PXDNL: variants seen among roughly 807,000 people sequenced by gnomAD.
PXDNL encodes probable oxidoreductase PXDNL.
In PXDNL, 145 loss-of-function variants were observed where a neutral mutation model predicts 150.8. The ratio of observed to expected loss-of-function variants is 0.96; its 90% CI spans 0.84 to 1.10. PXDNL has a LOEUF of 1.10. Ranked by LOEUF, PXDNL falls within the 50% of genes least tolerant of loss-of-function variation. The pLI, the probability that PXDNL is intolerant of heterozygous loss-of-function variation, is 0.00. For missense variants in PXDNL, 2,087 were observed against 1,873.9 expected, an observed-to-expected ratio of 1.11 and a Z score of -2.10; for synonymous variants, 757 against 725.7, an observed-to-expected ratio of 1.04 and a Z score of -0.69.
At chr8:51,587,609 C>T (rs187039229) in intron 3 of PXDNL, among the ~76,000 whole-genome samples, 1 of 152,148 alleles carries the variant, frequency 6.6e-6, no homozygotes, top group African/African-American at 2.4e-5. Context: ...AATATACAAG[C>T]ACTATAACTA....
At chr8:51,744,066 G>A (rs1386499545) in intron 1 of PXDNL, among the ~76,000 whole-genome samples, 1 of 56,966 alleles carries the variant, frequency 1.8e-5, no homozygotes, top group African/African-American at 9.0e-5. Context: ...AGGAAGGAAG[G>A]AAGGAAGGAA....
intron 2 of PXDNL, among the ~76,000 whole-genome samples, chr8:51,624,350 T>G (rs1283486986): frequency 6.6e-6 from 1 of 152,026 alleles, no homozygotes; most frequent in Non-Finnish European, 1.5e-5. Flanking sequence ...AAGTCAGGTG[T>G]TGTTTTGTTT....
intron 1 of PXDNL, among the ~76,000 whole-genome samples, chr8:51,763,372 C>CA (rs1225375184): frequency 6.6e-6 from 1 of 151,132 alleles, no homozygotes; most frequent in Non-Finnish European, 1.5e-5. Flanking sequence ...CTGGGGCATT[C>CA]AACTGGAAAA....
At chr8:51,806,331 A>C (rs1004692374) in intron 1 of PXDNL, among the ~76,000 whole-genome samples, 1 of 152,244 alleles carries the variant, frequency 6.6e-6, no homozygotes, top group African/African-American at 2.4e-5. Flanking sequence ...TATATTATTT[A>C]CATCATTTCC....
rs528445158 is a variant in PXDNL, at chr8:51,408,486, GTTAA to G, written c.3134_3137del (p.Ile1045ThrfsTer14). 1.1e-4 allele frequency: 180 copies of G among 1,613,704 alleles called. 3 individuals carry two copies. The South Asian group carries it at 2.0e-3, about 18-fold the overall frequency. The stretch of plus-strand genomic sequence containing the variant: ...ATCTAAAGGCTGCAGTAGCAAAAGA[GTTAA>G]TGATGCCTGCATTCACGTTGGGGTT... On this transcript the variant is annotated frameshift_variant, in exon 17 of 23. Coordinates refer to ENST00000356297, the MANE Select transcript of PXDNL (RefSeq NM_144651.5). LOFTEE classifies it high-confidence loss of function.
intron 1 of PXDNL, among the ~76,000 whole-genome samples, chr8:51,656,461 T>C (rs994281761): frequency 6.6e-6 from 1 of 152,106 alleles, no homozygotes; most frequent in Admixed American, 6.5e-5. Flanking sequence ...TATAAACATA[T>C]AAGACATTAA....
chr8:51,696,437 C>T (rs946746596), intron 1 of PXDNL, among the ~76,000 whole-genome samples: 1 of 152,320 alleles, frequency 6.6e-6, no homozygotes, highest in Non-Finnish European at 1.5e-5. Flanking sequence ...GCCTCCAGAA[C>T]GGTGAGAAAT....
intron 5 of PXDNL, among the ~76,000 whole-genome samples, chr8:51,491,635 C>T (rs562807091): frequency 9.8e-5 from 15 of 152,308 alleles, no homozygotes; most frequent in African/African-American, 3.6e-4. Flanking sequence ...GCTTCCACAC[C>T]TCCCCAGGCA....
rs539973707 is a variant in PXDNL at position 51,677,366 on chromosome 8, C to T, written c.165-22606G>A. Among the ~76,000 whole-genome samples, 9 of 152,232 alleles carry T rather than the reference C, an allele frequency of 5.9e-5. No individual in the cohort carries two copies. In the East Asian group the frequency reaches 1.2e-3, roughly 20 times the overall value. ...TTAAAGCAACAGAAAAAAATGTATT[C>T]GTCTACTCCGTTCAGGAGAAGATAA... On this transcript the variant is annotated intron_variant, in intron 1 of 22. Transcript: ENST00000356297.
At chr8:51,771,727 A>G (rs1218069254) in intron 1 of PXDNL, among the ~76,000 whole-genome samples, 8 of 152,148 alleles carry the variant, frequency 5.3e-5, no homozygotes, top group African/African-American at 1.9e-4. Context: ...AGAGAGACAG[A>G]CAGAAAGAGA....
intron 3 of PXDNL, among the ~76,000 whole-genome samples, chr8:51,585,576 T>C (rs1813305284): frequency 6.6e-6 from 1 of 152,066 alleles, no homozygotes; most frequent in African/African-American, 2.4e-5. Context: ...ATGAGTGGCC[T>C]TCATCAAAAA....
At chr8:51,338,994 T>C (rs761086719) in intron 21 of PXDNL, among the ~76,000 whole-genome samples, 3 of 152,184 alleles carry the variant, frequency 2.0e-5, no homozygotes, top group Non-Finnish European at 4.4e-5. Flanking sequence ...AGGCATCAAG[T>C]TCACAGTTAT....
At chr8:51,360,340 C>T (rs1486447464) in intron 19 of PXDNL, among the ~76,000 whole-genome samples, 4 of 152,230 alleles carry the variant, frequency 2.6e-5, no homozygotes, top group Non-Finnish European at 4.4e-5. Flanking sequence ...TGCATATACA[C>T]ACCTGTACAT....
intron 1 of PXDNL, among the ~76,000 whole-genome samples, chr8:51,758,093 T>G (rs2037122372): frequency 6.6e-6 from 1 of 152,224 alleles, no homozygotes; most frequent in Non-Finnish European, 1.5e-5. Flanking sequence ...AAATTAAATG[T>G]ATTGAAATTC....
At chr8:51,697,399 T>C (rs961119602) in intron 1 of PXDNL, among the ~76,000 whole-genome samples, 4 of 152,126 alleles carry the variant, frequency 2.6e-5, no homozygotes, top group Non-Finnish European at 5.9e-5. Flanking sequence ...ACTGGGTTTA[T>C]TGGCTTACAT....
At chr8:51,492,794 C>A (rs1810927957) in intron 5 of PXDNL, among the ~76,000 whole-genome samples, 1 of 152,184 alleles carries the variant, frequency 6.6e-6, no homozygotes, top group Non-Finnish European at 1.5e-5. Context: ...GAAGCTCGAA[C>A]TGGGTGGAGC....
At chr8:51,705,576 G>T (rs541812711) in intron 1 of PXDNL, among the ~76,000 whole-genome samples, 5 of 152,196 alleles carry the variant, frequency 3.3e-5, no homozygotes, top group African/African-American at 1.2e-4. Context: ...ATCAGAAAGC[G>T]CATATTACTT....
chr8:51,465,351 TC>T (rs1362396706), intron 8 of PXDNL, among the ~76,000 whole-genome samples: 1 of 151,514 alleles, frequency 6.6e-6, no homozygotes, highest in Non-Finnish European at 1.5e-5. Flanking sequence ...AATCCAACAT[TC>T]CTTCATGATA....
At chr8:51,632,798 A>G (rs1028985538) in intron 2 of PXDNL, among the ~76,000 whole-genome samples, 1 of 152,232 alleles carries the variant, frequency 6.6e-6, no homozygotes, top group Admixed American at 6.5e-5. Flanking sequence ...ATGAATTTAG[A>G]AATCAGTAAC....
Sources: gnomAD v4.1 joint callset for allele counts (sites outside exome capture counted in the v4.1 genomes callset) on GRCh38, gnomAD v4.1.1 for gene constraint, MANE v1.5 for transcripts, NCBI Gene and HGNC (gene_info 2026-07-23, HGNC 2026-07-21) for gene names.